The following IFT81 variants were observed in gnomAD, a reference collection of about 807,000 sequenced individuals.
IFT81 encodes intraflagellar transport 81.
A neutral mutation model predicts 102.6 loss-of-function variants in IFT81; 72 were observed. The ratio of observed to expected loss-of-function variants is 0.70; its 90% CI spans 0.58 to 0.85. The LOEUF (loss-of-function observed/expected upper bound fraction) is 0.85, where lower values mean the gene tolerates loss of function less well. Ranked by LOEUF, IFT81 falls within the 40% of genes least tolerant of loss-of-function variation. IFT81 has a pLI of 0.00. For missense variants in IFT81, 723 were observed against 787.3 expected (o/e 0.92, Z 0.98); for synonymous variants, 237 against 242.7 (o/e 0.98, Z 0.22).
intron 18 of IFT81, among the ~76,000 whole-genome samples, chr12:110,210,609 T>C (rs1033108428): frequency 2.0e-5 from 3 of 151,282 alleles, no homozygotes; most frequent in African/African-American, 4.9e-5. Context: ...CAAGGTGGCA[T>C]GCACCTGTAG....
chr12:110,177,076 A>G (rs1393508551), intron 11 of IFT81, among the ~76,000 whole-genome samples: 1 of 152,248 alleles, frequency 6.6e-6, no homozygotes, highest in Non-Finnish European at 1.5e-5. Flanking sequence ...GCAAGTTATT[A>G]GACTTCAGGT....
chr12:110,140,469 A>C (rs1176480969), intron 8 of IFT81, among the ~76,000 whole-genome samples: 2 of 152,190 alleles, frequency 1.3e-5, no homozygotes, highest in Admixed American at 1.3e-4. Flanking sequence ...GTCACTATAA[A>C]TCAGTTTATA....
chr12:110,128,241 G>T (rs1893961107), intron 3 of IFT81, 92 bp downstream of exon 3: 1 of 760,778 alleles, frequency 1.3e-6, no homozygotes, highest in South Asian at 1.6e-5. Context: ...GTAATACCTG[G>T]TTTCCCTCAT....
chr12:110,173,064 G>A (rs1167533170), intron 11 of IFT81, among the ~76,000 whole-genome samples: 1 of 147,994 alleles, frequency 6.8e-6, no homozygotes, highest in African/African-American at 2.5e-5. Flanking sequence ...TGCCCCTACT[G>A]GGAAGTGAGG....
At chr12:110,196,597 C>G (rs956272534) in intron 14 of IFT81, among the ~76,000 whole-genome samples, 2 of 152,132 alleles carry the variant, frequency 1.3e-5, no homozygotes, top group Non-Finnish European at 2.9e-5. Context: ...TGCTTATAGT[C>G]CTAGCTACTC....
At chr12:110,205,304 G>A (rs1007258173) in intron 15 of IFT81, 139 bp from the exon 16 acceptor site, 5 of 860,040 alleles carry the variant, frequency 5.8e-6, no homozygotes, top group Non-Finnish European at 8.6e-6. Flanking sequence ...ATCTCTTATT[G>A]TGCTAGAATA....
intron 10 of IFT81, among the ~76,000 whole-genome samples, chr12:110,161,003 T>C (rs1896101210): frequency 6.6e-6 from 1 of 152,142 alleles, no homozygotes; most frequent in African/African-American, 2.4e-5. Flanking sequence ...AATACCCTCA[T>C]ATTTCTCTAT....
At chr12:110,133,133 G>A (rs1894275017) in intron 5 of IFT81, among the ~76,000 whole-genome samples, 1 of 151,660 alleles carries the variant, frequency 6.6e-6, no homozygotes. Flanking sequence ...ACCATGCCCA[G>A]CTAATTTTTG....
chr12:110,171,924 T>C (rs1896752443), intron 11 of IFT81: 1 of 152,196 alleles, frequency 6.6e-6, no homozygotes, highest in Non-Finnish European at 1.5e-5. Context: ...CTAACTCCCT[T>C]GGGCCAATTC....
intron 11 of IFT81, among the ~76,000 whole-genome samples, chr12:110,165,399 A>C (rs1896378766): frequency 6.6e-6 from 1 of 152,228 alleles, no homozygotes; most frequent in African/African-American, 2.4e-5. Context: ...ATTTAGTATC[A>C]CATGGTTCAC....
chr12:110,142,075 C>T (rs537235791), intron 8 of IFT81, among the ~76,000 whole-genome samples: 1 of 152,316 alleles, frequency 6.6e-6, no homozygotes, highest in East Asian at 1.9e-4. Flanking sequence ...TGCCACTTAA[C>T]TGTAAACTAA....
At chr12:110,159,082 AG>A (rs1356942988) in intron 10 of IFT81, among the ~76,000 whole-genome samples, 1 of 152,206 alleles carries the variant, frequency 6.6e-6, no homozygotes, top group Non-Finnish European at 1.5e-5. Flanking sequence ...TCTGGAAATT[AG>A]GTTCTCTCTT....
At chr12:110,146,844 T>G in intron 9 of IFT81, 109 bp from the exon 10 acceptor site, 9 of 1,316,448 alleles carry the variant, frequency 6.8e-6, no homozygotes, top group African/African-American at 1.5e-5. Context: ...GACCTTGTCT[T>G]TAAAAAAAAA....
intron 11 of IFT81, among the ~76,000 whole-genome samples, chr12:110,164,205 C>G (rs940848224): frequency 2.3e-4 from 35 of 152,098 alleles, no homozygotes; most frequent in Middle Eastern, 3.4e-3. Flanking sequence ...TTGAACAATG[C>G]TTTAACAGCT....
At position 110,137,078 on chromosome 12, in the gene IFT81, T is replaced by G. The variant is rs186990406; in HGVS notation, c.781+218T>G. On this transcript the variant is annotated intron_variant, in intron 8 of 18. Transcript: ENST00000242591. ...TTCCTAACCAGATGGCCGGGTGCAG[T>G]GGCTCATGCCTATAATCCCAGCACT... is the stretch of plus-strand genomic sequence containing the variant. Among the ~76,000 whole-genome samples the G allele has an allele frequency of 1.1e-3, 161 of 152,350 alleles. 1 individual carries two copies. The highest frequency in any genetic ancestry group is 5.1e-4 in the Non-Finnish European group (35 of 68,038).
intron 12 of IFT81, among the ~76,000 whole-genome samples, chr12:110,190,253 C>T (rs960028032): frequency 6.6e-6 from 1 of 151,974 alleles, no homozygotes; most frequent in East Asian, 1.9e-4. Context: ...CCCATGTAAC[C>T]CCTCCTTCAC....
intron 9 of IFT81, among the ~76,000 whole-genome samples, chr12:110,145,513 A>T (rs1429175641): frequency 6.7e-6 from 1 of 148,958 alleles, no homozygotes; most frequent in Non-Finnish European, 1.5e-5. Context: ...ATCCCGGCTC[A>T]CTGCAACCTC....
intron 18 of IFT81, among the ~76,000 whole-genome samples, chr12:110,213,528 T>C (rs1192025549): frequency 1.3e-5 from 2 of 152,232 alleles, no homozygotes; most frequent in Non-Finnish European, 2.9e-5. Context: ...TTGATAATCA[T>C]TTCCTAGATC....
At chr12:110,153,657 C>T (rs948088067) in intron 10 of IFT81, among the ~76,000 whole-genome samples, 3 of 147,648 alleles carry the variant, frequency 2.0e-5, no homozygotes, top group Non-Finnish European at 4.5e-5. Context: ...GTTACCCAGG[C>T]TGGAGTGCAA....
Sources: gnomAD v4.1 joint callset for allele counts (sites outside exome capture counted in the v4.1 genomes callset) on GRCh38, gnomAD v4.1.1 for gene constraint, MANE v1.5 for transcripts, NCBI Gene and HGNC (gene_info 2026-07-23, HGNC 2026-07-21) for gene names.